CNTNAP2: variants seen among roughly 807,000 people sequenced by gnomAD.
CNTNAP2 encodes contactin associated protein 2.
CNTNAP2 carries 98 observed loss-of-function variants against 155.2 expected under a neutral mutation model. The observed-to-expected ratio is 0.63, with a 90% CI of 0.54 to 0.75. The LOEUF (loss-of-function observed/expected upper bound fraction) is 0.75, where lower values mean the gene tolerates loss of function less well. Ranked by LOEUF, CNTNAP2 falls within the 30% of genes least tolerant of loss-of-function variation. The pLI is 0.00. For synonymous variants in CNTNAP2, 651 were observed against 631.2 expected, an observed-to-expected ratio of 1.03 and a Z score of -0.47; for missense variants, 1,727 against 1,688.1, an observed-to-expected ratio of 1.02 and a Z score of -0.40.
intron 4 of CNTNAP2, among the ~76,000 whole-genome samples, chr7:147,052,651 T>C (rs1047173163): frequency 7.2e-5 from 11 of 152,078 alleles, no homozygotes; most frequent in African/African-American, 2.7e-4. Flanking sequence ...GTTATTATTT[T>C]AAATCACACT....
intron 9 of CNTNAP2, among the ~76,000 whole-genome samples, chr7:147,339,538 T>C (rs1037645735): frequency 2.3e-4 from 35 of 152,262 alleles, no homozygotes; most frequent in African/African-American, 8.2e-4. Flanking sequence ...TTTTCCCTCA[T>C]AAATTACTCA....
At chr7:146,245,201 C>T (rs1216432629) in intron 1 of CNTNAP2, among the ~76,000 whole-genome samples, 2 of 151,854 alleles carry the variant, frequency 1.3e-5, no homozygotes, top group Admixed American at 1.3e-4. Flanking sequence ...GGGTGAATGT[C>T]AGGTGGATCA....
chr7:147,865,520 A>G (rs1266101609), intron 13 of CNTNAP2, among the ~76,000 whole-genome samples: 2 of 152,130 alleles, frequency 1.3e-5, no homozygotes, highest in East Asian at 3.9e-4. Flanking sequence ...TCCTCTTTGT[A>G]CCTCTGGTAG....
chr7:147,693,697 ACTACAATTTC>A (rs1182999075), intron 13 of CNTNAP2, among the ~76,000 whole-genome samples: 13 of 151,830 alleles, frequency 8.6e-5, no homozygotes, highest in African/African-American at 2.9e-4. Flanking sequence ...TTGCAACCTT[ACTACAATTTC>A]TTATTAACTC....
At chr7:147,567,548 A>G (rs140585886) in intron 12 of CNTNAP2, among the ~76,000 whole-genome samples, 1 of 152,298 alleles carries the variant, frequency 6.6e-6, no homozygotes, top group East Asian at 1.9e-4. Flanking sequence ...AGTAGTGGCA[A>G]TAAAGTAAAA....
intron 11 of CNTNAP2, among the ~76,000 whole-genome samples, chr7:147,535,757 G>A (rs1308459917): frequency 1.3e-5 from 2 of 152,146 alleles, no homozygotes; most frequent in African/African-American, 2.4e-5. Context: ...GGCGAGGACC[G>A]CGAAGGTCAC....
intron 1 of CNTNAP2, among the ~76,000 whole-genome samples, chr7:146,468,453 A>G (rs1238118179): frequency 2.6e-5 from 4 of 152,136 alleles, no homozygotes; most frequent in Non-Finnish European, 5.9e-5. Context: ...AGAAAAAAAA[A>G]AAAAGAAGAC....
chr7:147,535,360 G>A (rs921378683), intron 11 of CNTNAP2, among the ~76,000 whole-genome samples: 1 of 151,952 alleles, frequency 6.6e-6, no homozygotes, highest in African/African-American at 2.4e-5. Flanking sequence ...CCACTGCACT[G>A]CAGCCTGAGC....
chr7:147,143,824 G>A (rs1364723428), intron 8 of CNTNAP2, among the ~76,000 whole-genome samples: 2 of 151,996 alleles, frequency 1.3e-5, no homozygotes, highest in Non-Finnish European at 2.9e-5. Context: ...ACTATTTCAG[G>A]AGTAAAATGA....
chr7:147,057,232 A>G (rs551200147), intron 4 of CNTNAP2, among the ~76,000 whole-genome samples: 78 of 152,296 alleles, frequency 5.1e-4, no homozygotes, highest in Non-Finnish European at 7.6e-4. Context: ...TCCTTTGTCA[A>G]CCAACAGTGT....
Position 147,010,086 on chromosome 7 carries a change from T to C in CNTNAP2, c.403-33821T>C, listed in dbSNP as rs141348058. Among the ~76,000 whole-genome samples the C allele has an allele frequency of 6.9e-3, 1,025 of 149,336 alleles. 15 individuals are homozygous for C. The highest frequency in any genetic ancestry group is 0.023 in the African/African-American group (957 of 40,758). Reference sequence around the variant, plus strand: ...GTGCAGTGGCATGATCTGGGCTCACTGCAACTTCCACTTCCCGGGTTGAAG... The same window carrying C: ...GTGCAGTGGCATGATCTGGGCTCACCGCAACTTCCACTTCCCGGGTTGAAG... On this transcript the variant is annotated intron_variant, in intron 3 of 23. Coordinates refer to ENST00000361727, the MANE Select transcript of CNTNAP2 (RefSeq NM_014141.6).
intron 21 of CNTNAP2, among the ~76,000 whole-genome samples, chr7:148,323,078 T>C (rs1797824291): frequency 6.6e-6 from 1 of 152,078 alleles, no homozygotes; most frequent in Non-Finnish European, 1.5e-5. Flanking sequence ...GTGCTGTTGT[T>C]AGATGCTTTA....
chr7:147,503,121 T>A (rs1798848576), intron 11 of CNTNAP2, among the ~76,000 whole-genome samples: 1 of 152,204 alleles, frequency 6.6e-6, no homozygotes, highest in Non-Finnish European at 1.5e-5. Flanking sequence ...ATCAAGGTGC[T>A]GGCAAGCCCA....
intron 1 of CNTNAP2, among the ~76,000 whole-genome samples, chr7:146,461,417 TATA>T (rs982007321): frequency 1.4e-5 from 2 of 145,140 alleles, no homozygotes; most frequent in Non-Finnish European, 3.0e-5. Flanking sequence ...AAAAAAAAAA[TATA>T]ATAATAATAA....
intron 1 of CNTNAP2, among the ~76,000 whole-genome samples, chr7:146,627,374 G>A (rs373719574): frequency 1.5e-4 from 23 of 152,172 alleles, no homozygotes; most frequent in African/African-American, 2.6e-4. Flanking sequence ...ATGAAAATAC[G>A]TATTACTTCA....
chr7:147,070,889 A>T (rs1799877571), intron 4 of CNTNAP2, among the ~76,000 whole-genome samples: 1 of 152,066 alleles, frequency 6.6e-6, no homozygotes, highest in South Asian at 2.1e-4. Context: ...AATAGCAGAG[A>T]CCTCTGTTTT....
intron 5 of CNTNAP2, among the ~76,000 whole-genome samples, chr7:147,113,908 G>C (rs1297601202): frequency 6.6e-6 from 1 of 152,112 alleles, no homozygotes; most frequent in Non-Finnish European, 1.5e-5. Flanking sequence ...GTGATGCTAG[G>C]TTGCTAACTT....
chr7:147,551,963 A>AGAT lies in CNTNAP2; in HGVS notation c.1778-10175_1778-10174insGAT, dbSNP rs10638245. The stretch of plus-strand genomic sequence containing the variant: ...TTGAAATATGCACCATAAACTATTA[A>AGAT]CTTAGAGTGCTTGGCCAAAGTAAAA... On this transcript the variant is annotated intron_variant, in intron 11 of 23. Coordinates refer to ENST00000361727, the MANE Select transcript of CNTNAP2 (RefSeq NM_014141.6). Among the ~76,000 whole-genome samples, 983 of 152,274 alleles carry AGAT rather than the reference A, an allele frequency of 6.5e-3. 13 individuals are homozygous for AGAT. The highest frequency in any genetic ancestry group is 0.022 in the African/African-American group (924 of 41,552).
chr7:147,182,040 G>T (rs758871871), intron 8 of CNTNAP2, among the ~76,000 whole-genome samples: 1 of 147,564 alleles, frequency 6.8e-6, no homozygotes, highest in Admixed American at 7.0e-5. Flanking sequence ...CAGGAGAATT[G>T]CTTGAATCCA....
Sources: allele counts gnomAD v4.1 joint callset (sites outside exome capture counted in the v4.1 genomes callset), GRCh38; gene constraint gnomAD v4.1.1; transcripts MANE v1.5; gene names NCBI Gene and HGNC (gene_info 2026-07-23, HGNC 2026-07-21).